FYN: variants seen among roughly 807,000 people sequenced by gnomAD.
FYN encodes tyrosine-protein kinase Fyn.
FYN carries 10 observed loss-of-function variants against 70.2 expected under a neutral mutation model. The ratio of observed to expected loss-of-function variants is 0.14; its 90% confidence interval spans 0.09 to 0.24. FYN has a LOEUF of 0.24. Among genes scored for constraint, FYN ranks in the 10% least tolerant of loss-of-function variants. The probability of loss-of-function intolerance (pLI) is 1.00; values close to 1 mark genes in which losing one functional copy is unlikely to be tolerated. For synonymous variants in FYN, 236 were observed against 248.6 expected, an observed-to-expected ratio of 0.95 and a Z score of 0.48; for missense variants, 319 against 673.1, an observed-to-expected ratio of 0.47 and a Z score of 5.82.
chr6:111,678,229 A>T (rs1367423480), intron 12 of FYN, among the ~76,000 whole-genome samples: 2 of 151,364 alleles, frequency 1.3e-5, no homozygotes, highest in Non-Finnish European at 2.9e-5. Flanking sequence ...TCCCAAGGTA[A>T]ACTCATTGCC....
At chr6:111,686,822 C>T (rs804193) in intron 12 of FYN, among the ~76,000 whole-genome samples, 6,943 of 152,264 alleles carry the variant, frequency 0.046, 198 homozygotes, top group East Asian at 0.097. Flanking sequence ...TTACAGGGGC[C>T]TCAGAAGCGG....
intron 3 of FYN, among the ~76,000 whole-genome samples, chr6:111,750,078 T>C (rs957805873): frequency 1.3e-5 from 2 of 152,224 alleles, no homozygotes; most frequent in African/African-American, 4.8e-5. Flanking sequence ...CGTTTTGAAG[T>C]AGCTCCTGCC....
chr6:111,769,339 T>C (rs1460803814), intron 3 of FYN, among the ~76,000 whole-genome samples: 1 of 152,226 alleles, frequency 6.6e-6, no homozygotes, highest in Non-Finnish European at 1.5e-5. Context: ...TTCTTACAGC[T>C]AAGGGTTTGT....
At chr6:111,752,853 T>C (rs1298469945) in intron 3 of FYN, among the ~76,000 whole-genome samples, 2 of 152,054 alleles carry the variant, frequency 1.3e-5, no homozygotes, top group Non-Finnish European at 2.9e-5. Context: ...TAATCTTGCT[T>C]TAGGAGGGTG....
At chr6:111,739,239 G>A (rs1801839385) in intron 3 of FYN, among the ~76,000 whole-genome samples, 1 of 152,222 alleles carries the variant, frequency 6.6e-6, no homozygotes, top group African/African-American at 2.4e-5. Flanking sequence ...GGAGGGTGGA[G>A]ACAATCTGTT....
At chr6:111,840,895 G>T (rs1214268627) in intron 2 of FYN, among the ~76,000 whole-genome samples, 1 of 152,204 alleles carries the variant, frequency 6.6e-6, no homozygotes, top group Non-Finnish European at 1.5e-5. Context: ...AGCAGGCCTG[G>T]CTGCAGTGAA....
At chr6:111,779,879 C>A (rs1381036463) in intron 3 of FYN, among the ~76,000 whole-genome samples, 2 of 152,186 alleles carry the variant, frequency 1.3e-5, no homozygotes, top group Non-Finnish European at 2.9e-5. Context: ...CACTACCTAC[C>A]TCATTTTATT....
At chr6:111,680,740 C>T (rs368362061) in intron 12 of FYN, among the ~76,000 whole-genome samples, 7 of 152,156 alleles carry the variant, frequency 4.6e-5, no homozygotes, top group Non-Finnish European at 8.8e-5. Flanking sequence ...TACATTTGTA[C>T]TATTTTAGCA....
At chr6:111,769,569 G>GA (rs1217468670) in intron 3 of FYN, among the ~76,000 whole-genome samples, 1 of 152,004 alleles carries the variant, frequency 6.6e-6, no homozygotes, top group Non-Finnish European at 1.5e-5. Flanking sequence ...TGACTAGTTG[G>GA]AAAAAAGAAA....
At chr6:111,762,217 G>A (rs1803036305) in intron 3 of FYN, among the ~76,000 whole-genome samples, 1 of 152,174 alleles carries the variant, frequency 6.6e-6, no homozygotes, top group African/African-American at 2.4e-5. Context: ...GGCCACAGCT[G>A]GGGGCCACCC....
chr6:111,781,917 A>G (rs1771189316), intron 2 of FYN, among the ~76,000 whole-genome samples: 2 of 152,242 alleles, frequency 1.3e-5, no homozygotes, highest in Admixed American at 1.3e-4. Context: ...ATGATACTTC[A>G]GAATATCTAT....
chr6:111,835,895 C>G (rs1773171154), intron 2 of FYN, among the ~76,000 whole-genome samples: 1 of 152,140 alleles, frequency 6.6e-6, no homozygotes, highest in African/African-American at 2.4e-5. Context: ...GAAACCTCAT[C>G]ATATCCCACA....
intron 2 of FYN, among the ~76,000 whole-genome samples, chr6:111,821,151 A>C (rs1583470259): frequency 1.3e-5 from 2 of 152,110 alleles, no homozygotes; most frequent in East Asian, 3.8e-4. Context: ...TTCATATGGA[A>C]CCAAAAAAGA....
At chr6:111,667,615 G>C (rs1023574273) in intron 13 of FYN, among the ~76,000 whole-genome samples, 1 of 152,182 alleles carries the variant, frequency 6.6e-6, no homozygotes, top group Non-Finnish European at 1.5e-5. Context: ...CACCGAAATA[G>C]ATGTCACTTC....
intron 1 of FYN, among the ~76,000 whole-genome samples, chr6:111,859,672 A>G (rs1362523763): frequency 6.6e-6 from 1 of 152,222 alleles, no homozygotes; most frequent in East Asian, 1.9e-4. Context: ...TTTAGCAGGC[A>G]TGCGATCTTG....
chr6:111,856,681 T>C (rs969546023), intron 1 of FYN, among the ~76,000 whole-genome samples: 1 of 152,184 alleles, frequency 6.6e-6, no homozygotes, highest in Non-Finnish European at 1.5e-5. Flanking sequence ...ATTTAATTAT[T>C]TGCTGACTCT....
intron 9 of FYN, among the ~76,000 whole-genome samples, chr6:111,697,737 T>C (rs1478718593): frequency 6.6e-6 from 1 of 152,224 alleles, no homozygotes; most frequent in African/African-American, 2.4e-5. Context: ...CAGACATCCA[T>C]CCCAATTCTG....
chr6:111,869,302 CG>C (rs1562552098), intron 1 of FYN, among the ~76,000 whole-genome samples: 2 of 152,222 alleles, frequency 1.3e-5, no homozygotes, highest in African/African-American at 2.4e-5. Flanking sequence ...CCTGCCCTTC[CG>C]TTAAGAAGCT....
At chr6:111,699,264 T>C (rs925068606) in intron 9 of FYN, among the ~76,000 whole-genome samples, 2 of 152,184 alleles carry the variant, frequency 1.3e-5, no homozygotes, top group African/African-American at 2.4e-5. Flanking sequence ...TCCCATTTCT[T>C]AGGAAGAGGA....
Sources: gnomAD v4.1 joint callset for allele counts (sites outside exome capture counted in the v4.1 genomes callset) on GRCh38, gnomAD v4.1.1 for gene constraint, MANE v1.5 for transcripts, NCBI Gene and HGNC (gene_info 2026-07-23, HGNC 2026-07-21) for gene names.